LIPK: variants seen among roughly 807,000 people sequenced by gnomAD.
LIPK encodes the protein lipase family member K.
Under a neutral mutation model 48.6 loss-of-function variants are expected in LIPK, and 32 were observed. The observed-to-expected ratio is 0.66, with a 90% CI of 0.50 to 0.88. The LOEUF (loss-of-function observed/expected upper bound fraction) is 0.88. Among genes scored for constraint, LIPK ranks in the 40% least tolerant of loss-of-function variants. LIPK has a pLI of 0.00. For missense variants in LIPK, 507 were observed against 478.5 expected (o/e 1.06, Z -0.56); for synonymous variants, 164 against 157.4 (o/e 1.04, Z -0.32).
At chr10:88,751,796 A>C (rs1287695631) in intron 9 of LIPK, among the ~76,000 whole-genome samples, 1 of 152,146 alleles carries the variant, frequency 6.6e-6, no homozygotes, top group Middle Eastern at 3.2e-3. Flanking sequence ...CCCAACTCCC[A>C]CCAAAAGATA....
intron 7 of LIPK, among the ~76,000 whole-genome samples, 175 bp downstream of exon 7, chr10:88,737,956 G>A (rs1842608083): frequency 6.6e-6 from 1 of 152,134 alleles, no homozygotes; most frequent in Non-Finnish European, 1.5e-5. Flanking sequence ...TTCATAGGAG[G>A]ATTTGAGAAG....
intron 1 of LIPK, among the ~76,000 whole-genome samples, chr10:88,706,828 A>G (rs1450156150): frequency 2.6e-5 from 4 of 152,174 alleles, no homozygotes; most frequent in Non-Finnish European, 4.4e-5. Flanking sequence ...ACAACTGCTT[A>G]TGAAATCAAT....
intron 1 of LIPK, among the ~76,000 whole-genome samples, chr10:88,708,383 A>G (rs1841972911): frequency 6.6e-6 from 1 of 152,088 alleles, no homozygotes; most frequent in Non-Finnish European, 1.5e-5. Flanking sequence ...AACCATTTTC[A>G]TTTTGGAGTA....
Position 88,743,267 on chromosome 10 carries a change from G to A in LIPK, c.906G>A (p.Gln302=), listed in dbSNP as rs769481797. 6.3e-6 allele frequency: 10 copies of A among 1,589,274 alleles called. 1 individual carries two copies. In the South Asian group the frequency reaches 1.1e-4, roughly 18 times the overall value. The change falls in exon 9 of 10, where the codon CAG becomes CAA. Residue 302 remains glutamine (Q), a synonymous_variant. Coordinates refer to ENST00000404190, the MANE Select transcript of LIPK (RefSeq NM_001080518.2). Reference sequence around the variant, plus strand: ...TATTTTAGGCTGTTAATTCTGGTCAGCTCCAAGCTTTTGATTGGGGAAACT... The same window carrying A: ...TATTTTAGGCTGTTAATTCTGGTCAACTCCAAGCTTTTGATTGGGGAAACT... ...LHWAQAVNSG[Q]LQAFDWGNSD...
chr10:88,719,461 G>A (rs1842180655), intron 1 of LIPK, among the ~76,000 whole-genome samples: 1 of 152,228 alleles, frequency 6.6e-6, no homozygotes, highest in South Asian at 2.1e-4. Flanking sequence ...AGCTCTGACA[G>A]CTGCATTCTC....
intron 9 of LIPK, 63 bp from the exon 10 acceptor site, chr10:88,752,454 A>C: frequency 8.3e-7 from 1 of 1,210,164 alleles, no homozygotes; most frequent in Non-Finnish European, 1.2e-6. Context: ...GCTGACAGTT[A>C]ATGTTACTTC....
intron 7 of LIPK, among the ~76,000 whole-genome samples, 180 bp downstream of exon 7, chr10:88,737,961 G>C (rs1842608137): frequency 6.6e-6 from 1 of 152,172 alleles, no homozygotes; most frequent in African/African-American, 2.4e-5. Flanking sequence ...AGGAGGATTT[G>C]AGAAGAAAGC....
chr10:88,748,370 A>T (rs1842805896), intron 9 of LIPK, among the ~76,000 whole-genome samples: 1 of 152,182 alleles, frequency 6.6e-6, no homozygotes, highest in Admixed American at 6.5e-5. Flanking sequence ...CATTGTGCAC[A>T]TGTATCCTGT....
At chr10:88,716,234 CAGAGA>C (rs1842114426) in intron 1 of LIPK, among the ~76,000 whole-genome samples, 1 of 150,706 alleles carries the variant, frequency 6.6e-6, no homozygotes, top group Non-Finnish European at 1.5e-5. Flanking sequence ...AAAAGAATGA[CAGAGA>C]AAAGAGATAA....
chr10:88,743,256 A>T lies in LIPK; in HGVS notation c.895A>T (p.Asn299Tyr). 6.3e-7 allele frequency: 1 copy of T among 1,583,156 alleles called. No homozygotes were observed. Among genetic ancestry groups the T allele is most frequent in the Non-Finnish European group, 8.6e-7 (1 of 1,161,708 alleles). The change falls in exon 9 of 10, where the codon AAT (asparagine) becomes TAT (tyrosine). Residue 299 changes from asparagine to tyrosine, a missense_variant. Coordinates refer to ENST00000404190, the MANE Select transcript of LIPK (RefSeq NM_001080518.2). ...QNMLHWAQAV[N>Y]SGQLQAFDWG... is the part of the protein sequence containing the mutation. Reference sequence around the variant, plus strand: ...CGTGCTTATTTTATTTTAGGCTGTTAATTCTGGTCAGCTCCAAGCTTTTGA... The same window carrying T: ...CGTGCTTATTTTATTTTAGGCTGTTTATTCTGGTCAGCTCCAAGCTTTTGA...
intron 1 of LIPK, among the ~76,000 whole-genome samples, chr10:88,720,143 T>C (rs567653354): frequency 6.6e-6 from 1 of 152,272 alleles, no homozygotes; most frequent in African/African-American, 2.4e-5. Context: ...AATGTACCTT[T>C]TTCCAACCAA....
chr10:88,739,902 G>A (rs1842646103), intron 7 of LIPK, 94 bp from the exon 8 acceptor site: 1 of 691,980 alleles, frequency 1.4e-6, no homozygotes, highest in African/African-American at 1.8e-5. Context: ...AAAGGGAAAA[G>A]AGGAAAAGAA....
intron 1 of LIPK, among the ~76,000 whole-genome samples, chr10:88,716,762 T>C (rs1193301659): frequency 6.6e-6 from 1 of 152,138 alleles, no homozygotes; most frequent in East Asian, 1.9e-4. Flanking sequence ...TAATTCTATT[T>C]GAGGGGATAC....
intron 9 of LIPK, 35 bp from the exon 10 acceptor site, chr10:88,752,482 T>C (rs1394677627): frequency 3.1e-5 from 45 of 1,469,084 alleles, no homozygotes; most frequent in Non-Finnish European, 4.0e-5. Flanking sequence ...TAATATTCTG[T>C]AAAAACTTTT....
At chr10:88,734,222 A>G (rs1470357389) in intron 6 of LIPK, among the ~76,000 whole-genome samples, 1 of 152,216 alleles carries the variant, frequency 6.6e-6, no homozygotes, top group African/African-American at 2.4e-5. Flanking sequence ...AAATACTGCT[A>G]GCTGTTGGAA....
chr10:88,711,798 A>C (rs1842032210), intron 1 of LIPK, among the ~76,000 whole-genome samples: 1 of 152,032 alleles, frequency 6.6e-6, no homozygotes, highest in South Asian at 2.1e-4. Flanking sequence ...ATGTTTTTGA[A>C]GAACAGAAGT....
At chr10:88,743,438 T>C in intron 9 of LIPK, 117 bp downstream of exon 9, 1 of 678,110 alleles carries the variant, frequency 1.5e-6, no homozygotes. Flanking sequence ...CTTATTGCTG[T>C]TCTCACAGGC....
At chr10:88,724,266 T>G (rs983574869) in intron 1 of LIPK, among the ~76,000 whole-genome samples, 2 of 152,248 alleles carry the variant, frequency 1.3e-5, no homozygotes, top group Non-Finnish European at 2.9e-5. Flanking sequence ...TCCAGTTATC[T>G]ACTGGAAACT....
intron 2 of LIPK, among the ~76,000 whole-genome samples, chr10:88,725,876 C>A (rs1437590109): frequency 6.6e-6 from 1 of 152,176 alleles, no homozygotes; most frequent in Non-Finnish European, 1.5e-5. Flanking sequence ...ACTGTAAGGA[C>A]AGGTCAACAA....
Sources: allele counts gnomAD v4.1 joint callset (sites outside exome capture counted in the v4.1 genomes callset), GRCh38; gene constraint gnomAD v4.1.1; transcripts MANE v1.5; gene names NCBI Gene and HGNC (gene_info 2026-07-23, HGNC 2026-07-21).